The following NASP variants were observed in gnomAD, a reference collection of about 807,000 sequenced individuals.
The protein encoded by NASP is nuclear autoantigenic sperm protein, also known as NASP histone chaperone.
Under a neutral mutation model 89.5 loss-of-function variants are expected in NASP, and 24 were observed. That is an observed-to-expected ratio of 0.27 (90% CI 0.19 to 0.38). NASP has a LOEUF of 0.38. Ranked by LOEUF, NASP falls within the 10% of genes least tolerant of loss-of-function variation. The probability of loss-of-function intolerance (pLI) is 1.00; values close to 1 mark genes in which losing one functional copy is unlikely to be tolerated. For missense variants in NASP, 848 were observed against 921.4 expected, an observed-to-expected ratio of 0.92 and a Z score of 1.03; for synonymous variants, 306 against 324.7, an observed-to-expected ratio of 0.94 and a Z score of 0.62.
In NASP at chr1:45,616,661, A is replaced by C. The variant is rs181558072; in HGVS notation, c.2115A>C (p.Ser705=). 1 of 1,614,214 alleles carries C rather than the reference A, an allele frequency of 6.2e-7. No individual in the cohort carries two copies. The highest frequency in any genetic ancestry group is 8.5e-7 in the Non-Finnish European group (1 of 1,179,994). Residue 705 remains serine, a synonymous_variant, in exon 13 of 15, where the codon TCA becomes TCC. Transcript: ENST00000350030. ...GAAAGCCAACAGACGGTGCTTCCTC[A>C]TCAAATTGTGTGACTGATATTTCCC... The part of the protein sequence containing the change: ...ASRKPTDGAS[S]SNCVTDISHL...
chr1:45,611,101 T>A (rs1465602129), intron 6 of NASP: 7 of 152,180 alleles, frequency 4.6e-5, no homozygotes, highest in Non-Finnish European at 1.0e-4. Context: ...ATGGATGGTC[T>A]TATTAACTCT....
At chr1:45,602,887 GT>G (rs1643870345) in intron 3 of NASP, among the ~76,000 whole-genome samples, 1 of 152,206 alleles carries the variant, frequency 6.6e-6, no homozygotes, top group African/African-American at 2.4e-5. Flanking sequence ...GCCTCCCAGA[GT>G]GCTTTGCAAA....
At chr1:45,616,444 C>T (rs1310899691) in intron 12 of NASP, 51 bp downstream of exon 12, 4 of 1,583,014 alleles carry the variant, frequency 2.5e-6, no homozygotes, top group East Asian at 2.2e-5. Flanking sequence ...TCAGTGTTGG[C>T]TCATGCCTGT....
At chr1:45,586,937 A>G (rs574937730) in intron 1 of NASP, among the ~76,000 whole-genome samples, 19 of 152,246 alleles carry the variant, frequency 1.2e-4, no homozygotes, top group African/African-American at 3.9e-4. Context: ...GTCTCAAGCA[A>G]TCCTTCCATC....
chr1:45,601,987 C>T (rs1206636966), intron 2 of NASP, among the ~76,000 whole-genome samples: 1 of 151,862 alleles, frequency 6.6e-6, no homozygotes, highest in African/African-American at 2.4e-5. Flanking sequence ...CTCCTGACCT[C>T]GTGGTCTGCC....
At chr1:45,604,087 T>C (rs1033365335) in intron 3 of NASP, among the ~76,000 whole-genome samples, 2 of 152,204 alleles carry the variant, frequency 1.3e-5, no homozygotes, top group Admixed American at 6.5e-5. Flanking sequence ...AGATGTCTTA[T>C]TCTAATCTAG....
chr1:45,605,070 C>A, intron 4 of NASP, 54 bp downstream of exon 4: 3 of 1,372,778 alleles, frequency 2.2e-6, no homozygotes, highest in Non-Finnish European at 3.1e-6. Context: ...TGTTTACTAG[C>A]TTTGAGATTT....
rs537983711 is a variant in NASP, at chr1:45,586,239, C to CGTGTGTGTGT, written c.59+2070_59+2079dup. ...CGGCCCCCTGCAGCCCCTACCGTGC[C>CGTGTGTGTGT]GTGTGTGTGTGTGTGTGTGTGTGTG... On this transcript the variant is annotated intron_variant, in intron 1 of 14. Transcript: ENST00000350030. 2.1e-3 allele frequency among the ~76,000 whole-genome samples: 229 copies of CGTGTGTGTGT among 110,252 alleles called. 1 individual carries two copies. Among genetic ancestry groups the CGTGTGTGTGT allele is most frequent in the Middle Eastern group, 8.6e-3 (2 of 232 alleles). 72.3% of individuals were successfully genotyped at this position (110,252 alleles called of 152,430 possible). A position where few individuals can be genotyped will look rare whatever the true frequency, so the allele number is the denominator to read the frequency against.
In NASP at chr1:45,584,080, C is replaced by T. The variant is rs988868704; in HGVS notation, c.-67C>T. On this transcript the variant is annotated 5_prime_UTR_variant, in exon 1 of 15. Transcript: ENST00000350030. ...TTTCTGTCCCTGAGTGAGTCTCTGG[C>T]GTCCCAAATTGCCTGTTTTTCTCGC... The T allele has an allele frequency of 1.8e-5, 26 of 1,435,650 alleles. No individual in the cohort carries two copies. Among genetic ancestry groups the T allele is most frequent in the Middle Eastern group, 2.0e-4 (1 of 5,068 alleles). The allele number at this position is 1,435,650 out of a possible 1,614,324, so 88.9% of individuals were successfully genotyped here.
chr1:45,592,265 G>A (rs1361466293), intron 2 of NASP, among the ~76,000 whole-genome samples: 4 of 152,148 alleles, frequency 2.6e-5, no homozygotes, highest in African/African-American at 7.2e-5. Flanking sequence ...GATTACAGGC[G>A]TGAGCCACTG....
chr1:45,586,439 C>T (rs989573399), intron 1 of NASP, among the ~76,000 whole-genome samples: 6 of 152,068 alleles, frequency 3.9e-5, no homozygotes, highest in Admixed American at 1.3e-4. Flanking sequence ...GCGCACACCA[C>T]AAGGCCCAGC....
In NASP at chr1:45,615,142, A is replaced by G; in HGVS notation, c.1796A>G (p.Gln599Arg). The change falls in exon 10 of 15, where the codon CAG becomes CGG. Residue 599 changes from glutamine (Q) to arginine (R), a missense_variant. Gln to Arg is a conservative substitution (Grantham distance 43, BLOSUM62 1). This residue lies in a region of NASP where 60 missense variants were observed against 114.6 expected (regional missense o/e 0.52). Coordinates refer to ENST00000350030, the MANE Select transcript of NASP (RefSeq NM_002482.4). ...QLGLAYGYNS[Q>R]YDEAVAQFSK... ...GGCTTGGCTTATGGGTACAACTCTCAGTATGATGAGGCAGTGGCACAGTTC... is the reference window on the plus strand; with the variant it reads ...GGCTTGGCTTATGGGTACAACTCTCGGTATGATGAGGCAGTGGCACAGTTC... The G allele has an allele frequency of 6.2e-7, 1 of 1,614,196 alleles. No homozygotes were observed. The highest frequency in any genetic ancestry group is 8.5e-7 in the Non-Finnish European group (1 of 1,180,052).
chr1:45,604,565 A>T (rs184516304), intron 3 of NASP, among the ~76,000 whole-genome samples: 3 of 152,314 alleles, frequency 2.0e-5, no homozygotes, highest in Admixed American at 1.3e-4. Flanking sequence ...GCTTTACATC[A>T]TGCCTTTCCA....
chr1:45,608,478 T>C lies in NASP; in HGVS notation c.1426+141T>C. 2 of 818,872 alleles carry C rather than the reference T, an allele frequency of 2.4e-6. 1 individual carries two copies. Among genetic ancestry groups the C allele is most frequent in the South Asian group, 3.5e-5 (2 of 57,570 alleles). The allele number at this position is 818,872 out of a possible 1,614,324, so 50.7% of individuals were successfully genotyped here. A position where few individuals can be genotyped will look rare whatever the true frequency, so the allele number is the denominator to read the frequency against. The stretch of plus-strand genomic sequence containing the variant: ...AAGGGCTAAATGAAAAGGGGGGTAG[T>C]TTAACAAGGTCGTGATAGTCAAGTA... On this transcript the variant is annotated intron_variant, in intron 6 of 14. Coordinates refer to ENST00000350030, the MANE Select transcript of NASP (RefSeq NM_002482.4).
At chr1:45,613,050 C>T (rs753730903) in intron 6 of NASP, 119 bp from the exon 7 acceptor site, 28 of 1,372,016 alleles carry the variant, frequency 2.0e-5, no homozygotes, top group Middle Eastern at 3.8e-4. Context: ...TGTTAACTCA[C>T]TTGGATTAGC....
chr1:45,585,236 T>G (rs1644515049), intron 1 of NASP, among the ~76,000 whole-genome samples: 1 of 152,250 alleles, frequency 6.6e-6, no homozygotes, highest in Non-Finnish European at 1.5e-5. Context: ...AATCTTGCCA[T>G]ATTTTTTTAG....
At chr1:45,597,031 T>C (rs901829824) in intron 2 of NASP, among the ~76,000 whole-genome samples, 1 of 151,972 alleles carries the variant, frequency 6.6e-6, no homozygotes, top group African/African-American at 2.4e-5. Context: ...ACTTGTTGGC[T>C]GGGCATGGTG....
At chr1:45,602,192 C>T in intron 2 of NASP, 63 bp from the exon 3 acceptor site, 1 of 1,538,644 alleles carries the variant, frequency 6.5e-7, no homozygotes, top group Non-Finnish European at 8.8e-7. Flanking sequence ...TCAAATGTAG[C>T]AGGTATTCAA....
chr1:45,596,022 A>G (rs1014942851), intron 2 of NASP, among the ~76,000 whole-genome samples: 14 of 152,254 alleles, frequency 9.2e-5, no homozygotes, highest in Non-Finnish European at 1.3e-4. Flanking sequence ...ACTTTTATTT[A>G]GACTTGATAC....
Sources: allele counts gnomAD v4.1 joint callset (sites outside exome capture counted in the v4.1 genomes callset), GRCh38; gene constraint gnomAD v4.1.1; regional missense constraint gnomAD v4.1.1; transcripts MANE v1.5; gene names NCBI Gene and HGNC (gene_info 2026-07-23, HGNC 2026-07-21).